Variants in FBXO21 observed in about 807,000 individuals in gnomAD.
The protein encoded by FBXO21 is F-box protein 21, also known as F-box only protein 21.
FBXO21 carries 32 observed loss-of-function variants against 76.6 expected under a neutral mutation model. That is an observed-to-expected ratio of 0.42 (90% CI 0.32 to 0.56). FBXO21 has a LOEUF of 0.56. Ranked by LOEUF, FBXO21 falls within the 20% of genes least tolerant of loss-of-function variation. FBXO21 has a pLI of 0.16. For synonymous variants in FBXO21, 328 were observed against 311.5 expected (o/e 1.05, Z -0.56); for missense variants, 586 against 797.3 (o/e 0.73, Z 3.19).
At position 117,177,265 on chromosome 12, in the gene FBXO21, C is replaced by T. The variant is rs555463032; in HGVS notation, c.592+255G>A. The stretch of plus-strand genomic sequence containing the variant: ...ACTTCATTAGCTAAAGTATCACTCT[C>T]ACATTTTAAGCCAATGATGCATCTT... On this transcript the variant is annotated intron_variant, in intron 4 of 11. Coordinates refer to ENST00000622495, the MANE Select transcript of FBXO21 (RefSeq NM_015002.3). Among the ~76,000 whole-genome samples, 10 of 152,360 alleles carry T rather than the reference C, an allele frequency of 6.6e-5. 2 individuals carry two copies. Among genetic ancestry groups the T allele is most frequent in the African/African-American group, 2.4e-4 (10 of 41,584 alleles).
intron 3 of FBXO21, among the ~76,000 whole-genome samples, chr12:117,182,875 T>C (rs1262108970): frequency 1.3e-5 from 2 of 152,064 alleles, no homozygotes; most frequent in Non-Finnish European, 2.9e-5. Flanking sequence ...GAAGATCTCT[T>C]GAGGCCAGGA....
chr12:117,159,759 C>A (rs1320346639), intron 9 of FBXO21, among the ~76,000 whole-genome samples: 1 of 152,190 alleles, frequency 6.6e-6, no homozygotes, highest in Non-Finnish European at 1.5e-5. Flanking sequence ...GTGTTCCACA[C>A]ACACAGCTCC....
chr12:117,190,143 T>C (rs542225742), intron 1 of FBXO21, 75 bp downstream of exon 1: 1 of 783,296 alleles, frequency 1.3e-6, no homozygotes, highest in South Asian at 5.6e-5. Context: ...CGCGGGGAGC[T>C]AGCGGGGCGG....
chr12:117,145,903 A>G lies in FBXO21; in HGVS notation c.*184T>C, dbSNP rs1047016894. The G allele has an allele frequency of 1.6e-5, 8 of 501,670 alleles. No homozygotes were observed. Among genetic ancestry groups the G allele is most frequent in the Non-Finnish European group, 2.8e-5 (8 of 286,836 alleles). The allele number at this position is 501,670 out of a possible 1,614,324, so 31.1% of individuals were successfully genotyped here. On this transcript the variant is annotated 3_prime_UTR_variant, in exon 12 of 12. Transcript: ENST00000622495. ...TTCACTAGTGTAGGCGGAGAGCAAC[A>G]TTGTCTTTGCAGCTGGGGAAGAGCA...
At chr12:117,146,330 C>T in intron 11 of FBXO21, 53 bp from the exon 12 acceptor site, 8 of 1,465,848 alleles carry the variant, frequency 5.5e-6, no homozygotes, top group Non-Finnish European at 6.5e-6. Context: ...ATTGCTGCCA[C>T]ACCTTTCATC....
chr12:117,164,197 A>G (rs1286838396), intron 9 of FBXO21, among the ~76,000 whole-genome samples: 2 of 151,926 alleles, frequency 1.3e-5, no homozygotes, highest in East Asian at 3.8e-4. Context: ...TTCTTTTCCA[A>G]TAATTCCTCT....
At chr12:117,178,294 C>T (rs960335242) in intron 3 of FBXO21, among the ~76,000 whole-genome samples, 1 of 152,108 alleles carries the variant, frequency 6.6e-6, no homozygotes, top group African/African-American at 2.4e-5. Flanking sequence ...GTACTATCTT[C>T]AAATTACATC....
chr12:117,157,009 C>T (rs1389452949), intron 10 of FBXO21, among the ~76,000 whole-genome samples: 29 of 151,782 alleles, frequency 1.9e-4, no homozygotes, highest in Admixed American at 1.9e-3. Flanking sequence ...ATGGTGAAAC[C>T]CTGTCTTTAC....
chr12:117,147,360 G>A (rs1242074363), intron 11 of FBXO21, among the ~76,000 whole-genome samples: 1 of 150,184 alleles, frequency 6.7e-6, no homozygotes, highest in Non-Finnish European at 1.5e-5. Context: ...CCAGCACTTT[G>A]GGAGGATGAG....
intron 11 of FBXO21, among the ~76,000 whole-genome samples, chr12:117,146,538 G>A (rs761550022): frequency 4.6e-5 from 7 of 152,174 alleles, no homozygotes; most frequent in Non-Finnish European, 1.0e-4. Context: ...CAGGATGTCT[G>A]GCTCCAGCAA....
At chr12:117,178,211 A>T (rs1277308360) in intron 3 of FBXO21, among the ~76,000 whole-genome samples, 1 of 152,044 alleles carries the variant, frequency 6.6e-6, no homozygotes, top group African/African-American at 2.4e-5. Context: ...TGAGGCATAA[A>T]ACCTGCGAGT....
In FBXO21 at chr12:117,146,156, T is replaced by A; in HGVS notation, c.1797A>T (p.Glu599Asp). 1 of 1,613,806 alleles carries A rather than the reference T, an allele frequency of 6.2e-7. No individual in the cohort carries two copies. Among genetic ancestry groups the A allele is most frequent in the South Asian group, 1.1e-5 (1 of 91,038 alleles). Residue 599 changes from glutamate (E) to aspartate (D), a missense_variant, in exon 12 of 12, where the codon GAA (glutamate) becomes GAT (aspartate). Around this residue, in one of 6 missense-constraint regions of FBXO21, gnomAD observed 164 missense variants for 236.7 expected, o/e 0.69. Coordinates refer to ENST00000622495, the MANE Select transcript of FBXO21 (RefSeq NM_015002.3). ...PNAELEIRYPEDLEFVYETVQ... is the reference protein window; with the variant it reads ...PNAELEIRYPDDLEFVYETVQ... ...CCGTTTCATAGACAAACTCCAGATC[T>A]TCTGGATACCGGATCTCCAGCTCTG... is the stretch of plus-strand genomic sequence containing the variant.
rs1451208860 is a variant in FBXO21, at chr12:117,143,424, T to C, written c.*2663A>G. 1.3e-5 allele frequency: 2 copies of C among 152,242 alleles called. No homozygotes were observed. Among genetic ancestry groups the C allele is most frequent in the Non-Finnish European group, 2.9e-5 (2 of 68,052 alleles). The allele number at this position is 152,242 out of a possible 1,614,324, so 9.4% of individuals were successfully genotyped here. On this transcript the variant is annotated 3_prime_UTR_variant, in exon 12 of 12. Transcript: ENST00000622495. ...CGGAAACAGTGCTCTGAAGACATTC[T>C]GGACACATCGTATACAGCACAGCCA...
At chr12:117,164,023 T>C (rs12322527) in intron 9 of FBXO21, among the ~76,000 whole-genome samples, 29,888 of 151,486 alleles carry the variant, frequency 0.2, 3,337 homozygotes, top group East Asian at 0.41. Flanking sequence ...TCCCAGCACT[T>C]TGGGAGGCCA....
At position 117,162,976 on chromosome 12, in the gene FBXO21, T is replaced by G. The variant is rs565906940; in HGVS notation, c.1326+2509A>C. ...TGGAGAGGAACCTTGTCCGATTTCT[T>G]CAGCACCCCCTGGCTTCTTCCGCAC... On this transcript the variant is annotated intron_variant, in intron 9 of 11. Transcript: ENST00000622495. 6.4e-4 allele frequency among the ~76,000 whole-genome samples: 97 copies of G among 152,282 alleles called. 2 individuals are homozygous for G. In the South Asian group the frequency reaches 0.019, roughly 30 times the overall value.
At chr12:117,174,831 C>G (rs780593250) in intron 4 of FBXO21, 34 bp from the exon 5 acceptor site, 1 of 1,600,866 alleles carries the variant, frequency 6.2e-7, no homozygotes, top group Non-Finnish European at 8.5e-7. Flanking sequence ...AATAAATTCT[C>G]ACGTTACCCT....
chr12:117,172,235 C>T (rs12302515), intron 7 of FBXO21, among the ~76,000 whole-genome samples: 30,250 of 152,070 alleles, frequency 0.2, 3,416 homozygotes, highest in East Asian at 0.43. Context: ...TACAGAAAGA[C>T]CCAGAGTACC....
At chr12:117,186,455 C>T (rs753319684) in intron 3 of FBXO21, 22 bp downstream of exon 3, 1 of 1,520,838 alleles carries the variant, frequency 6.6e-7, no homozygotes, top group East Asian at 2.3e-5. Flanking sequence ...GCAAACAAAT[C>T]CCTGCTAAAG....
intron 11 of FBXO21, chr12:117,155,576 G>C (rs1478611449): frequency 3.3e-6 from 2 of 605,170 alleles, no homozygotes; most frequent in Non-Finnish European, 2.9e-6. Context: ...GGCCCTGGGG[G>C]AGGGCGGGTA....
Sources: allele counts gnomAD v4.1 joint callset (sites outside exome capture counted in the v4.1 genomes callset), GRCh38; gene constraint gnomAD v4.1.1; regional missense constraint gnomAD v4.1.1; transcripts MANE v1.5; gene names NCBI Gene and HGNC (gene_info 2026-07-23, HGNC 2026-07-21).